The following FHIP1A variants were observed in gnomAD, a reference collection of about 807,000 sequenced individuals.
FHIP1A encodes the protein FHF complex subunit HOOK-interacting protein 1A.
In FHIP1A, 61 loss-of-function variants were observed where a neutral mutation model predicts 88.6. That is an observed-to-expected ratio of 0.69 (90% confidence interval 0.56 to 0.85). The LOEUF is 0.85. Among genes scored for constraint, FHIP1A ranks in the 40% least tolerant of loss-of-function variants. FHIP1A has a pLI of 0.00. For missense variants in FHIP1A, 1,154 were observed against 1,273.5 expected (o/e 0.91, Z 1.43); for synonymous variants, 478 against 496.0 (o/e 0.96, Z 0.48).
At chr4:151,412,064 G>A (rs1732670409) in intron 1 of FHIP1A, among the ~76,000 whole-genome samples, 1 of 152,206 alleles carries the variant, frequency 6.6e-6, no homozygotes, top group African/African-American at 2.4e-5. Flanking sequence ...ATGCCATTGT[G>A]TTTAGATTAC....
chr4:151,435,149 T>C (rs2093270832), intron 1 of FHIP1A, among the ~76,000 whole-genome samples: 1 of 138,400 alleles, frequency 7.2e-6, no homozygotes, highest in Admixed American at 7.2e-5. Flanking sequence ...TTTTGAACTA[T>C]ACAATACATT....
rs373341384 is a variant in FHIP1A at position 151,650,479 on chromosome 4, C to G, written c.2438C>G (p.Ser813Cys). 1.3e-6 allele frequency: 2 copies of G among 1,551,466 alleles called. No individual in the cohort carries two copies. Among genetic ancestry groups the G allele is most frequent in the African/African-American group, 1.4e-5 (1 of 73,042 alleles). Reference sequence around the variant, plus strand: ...GAAGATGAGGAGGATGACTTTGACTCTTTTATAGCGGAGATGCCTGCTGTA... The same window carrying G: ...GAAGATGAGGAGGATGACTTTGACTGTTTTATAGCGGAGATGCCTGCTGTA... ...ELEDEEDDFD[S>C]FIAEMPAVET... Residue 813 changes from serine to cysteine, a missense_variant, in exon 11 of 14, where the codon TCT becomes TGT. Ser to Cys is a moderately radical substitution (Grantham distance 112, BLOSUM62 -1). Coordinates refer to ENST00000435205, the MANE Select transcript of FHIP1A (RefSeq NM_001109977.3).
intron 11 of FHIP1A, among the ~76,000 whole-genome samples, chr4:151,655,514 A>G (rs953041863): frequency 2.6e-5 from 4 of 152,184 alleles, no homozygotes; most frequent in South Asian, 2.1e-4. Context: ...AATCTGTGAC[A>G]TGCCGAACTG....
chr4:151,606,319 A>C (rs756814460), intron 7 of FHIP1A, among the ~76,000 whole-genome samples: 16 of 152,174 alleles, frequency 1.1e-4, no homozygotes, highest in Admixed American at 5.2e-4. Flanking sequence ...TCCTGAGGAA[A>C]AACGTCTTGA....
chr4:151,652,168 A>G (rs1004952123), intron 11 of FHIP1A, among the ~76,000 whole-genome samples: 11 of 151,676 alleles, frequency 7.3e-5, no homozygotes, highest in African/African-American at 1.7e-4. Context: ...CAGGGCAAGG[A>G]AAAAAAAAGC....
chr4:151,668,412 C>G lies in FHIP1A; in HGVS notation c.*5658C>G, dbSNP rs1022489718. 6.6e-6 allele frequency among the ~76,000 whole-genome samples: 1 copy of G among 152,164 alleles called. No individual in the cohort carries two copies. The highest frequency in any genetic ancestry group is 1.5e-5 in the Non-Finnish European group (1 of 68,034). On this transcript the variant is annotated 3_prime_UTR_variant, in exon 14 of 14. Transcript: ENST00000435205. ...GGAGGGTGTGTACTTTCCGAAACTTCGAGGCCATCTTAGTAATTATTTTAG... is the reference window on the plus strand; with the variant it reads ...GGAGGGTGTGTACTTTCCGAAACTTGGAGGCCATCTTAGTAATTATTTTAG...
intron 1 of FHIP1A, among the ~76,000 whole-genome samples, chr4:151,436,756 A>G (rs1028725186): frequency 1.1e-4 from 16 of 152,208 alleles, no homozygotes; most frequent in African/African-American, 3.9e-4. Context: ...AATATCAAAT[A>G]AGATTTTTTT....
chr4:151,656,876 G>C lies in FHIP1A; in HGVS notation c.2847G>C (p.Met949Ile), dbSNP rs932892730. 2 of 1,551,576 alleles carry C rather than the reference G, an allele frequency of 1.3e-6. No individual in the cohort carries two copies. The highest frequency in any genetic ancestry group is 2.0e-5 in the Admixed American group (1 of 50,986). The stretch of plus-strand genomic sequence containing the variant: ...TCTTCCGTGTGGACATGTCTGATAT[G>C]ACCCCTGCAGCACTAACCAAAGGTA... ...YLLFRVDMSDMTPAALTKDPI... is the reference protein window; with the variant it reads ...YLLFRVDMSDITPAALTKDPI... The change falls in exon 13 of 14, where the codon ATG becomes ATC. Residue 949 changes from methionine to isoleucine, a missense_variant. Physicochemically the swap from Met to Ile is conservative, Grantham distance 10. Coordinates refer to ENST00000435205, the MANE Select transcript of FHIP1A (RefSeq NM_001109977.3). The surrounding 1 kb of genome is among the most constrained non-coding windows in gnomAD (Gnocchi z 4.2).
At chr4:151,539,088 A>G (rs1041269351) in intron 3 of FHIP1A, among the ~76,000 whole-genome samples, 10 of 152,232 alleles carry the variant, frequency 6.6e-5, no homozygotes, top group Non-Finnish European at 1.3e-4. Context: ...CTTAGGCTAT[A>G]TAGATAGCAG....
At chr4:151,601,992 C>G (rs1214491866) in intron 7 of FHIP1A, among the ~76,000 whole-genome samples, 1 of 151,968 alleles carries the variant, frequency 6.6e-6, no homozygotes, top group Non-Finnish European at 1.5e-5. Flanking sequence ...CAGGGAAACT[C>G]CTATTTATAA....
chr4:151,445,587 G>C (rs1214316453), intron 1 of FHIP1A, among the ~76,000 whole-genome samples: 1 of 151,738 alleles, frequency 6.6e-6, no homozygotes, highest in Non-Finnish European at 1.5e-5. Flanking sequence ...TGTTTGAAAA[G>C]GGCTTATTAT....
At chr4:151,414,165 C>G (rs1392779789) in intron 1 of FHIP1A, among the ~76,000 whole-genome samples, 1 of 152,100 alleles carries the variant, frequency 6.6e-6, no homozygotes, top group Non-Finnish European at 1.5e-5. Flanking sequence ...ATTCTCTTGC[C>G]TTAGCCTCCC....
intron 13 of FHIP1A, among the ~76,000 whole-genome samples, chr4:151,661,284 G>T (rs1737447014): frequency 6.6e-6 from 1 of 152,092 alleles, no homozygotes; most frequent in Non-Finnish European, 1.5e-5. Flanking sequence ...CTGTTGCCGG[G>T]ACATGAATTT....
rs1411969416 is a variant in FHIP1A at position 151,650,520 on chromosome 4, C to T, written c.2479C>T (p.Pro827Ser). ...EMPAVETVPS[P>S]FVGRDEAAFA... is the part of the protein sequence containing the mutation. ...GCCTGCTGTAGAGACTGTGCCTTCCCCATTTGTGGGGAGAGATGAGGCTGC... is the reference window on the plus strand; with the variant it reads ...GCCTGCTGTAGAGACTGTGCCTTCCTCATTTGTGGGGAGAGATGAGGCTGC... Residue 827 changes from proline to serine, a missense_variant, in exon 11 of 14, where the codon CCA (proline) becomes TCA (serine). Coordinates refer to ENST00000435205, the MANE Select transcript of FHIP1A (RefSeq NM_001109977.3). 4.5e-6 allele frequency: 7 copies of T among 1,551,388 alleles called. No individual in the cohort carries two copies. The highest frequency in any genetic ancestry group is 3.9e-5 in the Admixed American group (2 of 50,990).
rs531732537 is a variant in FHIP1A, at chr4:151,576,132, G to T, written c.106-1318G>T. 2.6e-5 allele frequency among the ~76,000 whole-genome samples: 4 copies of T among 152,294 alleles called. No individual in the cohort carries two copies. In the East Asian group the frequency reaches 7.7e-4, roughly 29 times the overall value. On this transcript the variant is annotated intron_variant, in intron 4 of 13. Transcript: ENST00000435205. ...GATAACAGATTGTTTTAGTTTCCAG[G>T]TCGCAAAGTGGAAGTAAGTATCTGT...
intron 3 of FHIP1A, chr4:151,533,169 T>A (rs1731941366): frequency 6.6e-6 from 1 of 151,958 alleles, no homozygotes; most frequent in African/African-American, 2.4e-5. Context: ...TTAAGGAGTG[T>A]TTTTGGTGGT....
At chr4:151,445,806 G>A (rs1245945181) in intron 1 of FHIP1A, among the ~76,000 whole-genome samples, 1 of 144,656 alleles carries the variant, frequency 6.9e-6, no homozygotes, top group Admixed American at 7.1e-5. Flanking sequence ...AGTGACCTAT[G>A]ATCACACCTC....
chr4:151,545,164 T>C (rs972628560), intron 3 of FHIP1A, among the ~76,000 whole-genome samples: 1 of 152,178 alleles, frequency 6.6e-6, no homozygotes, highest in African/African-American at 2.4e-5. Context: ...CTGGGTAGCA[T>C]GGATTAATAT....
At chr4:151,441,644 C>T (rs1387866299) in intron 1 of FHIP1A, among the ~76,000 whole-genome samples, 2 of 152,278 alleles carry the variant, frequency 1.3e-5, no homozygotes, top group East Asian at 3.9e-4. Context: ...CAGACATTGG[C>T]TTAAGATTCT....
Sources: allele counts gnomAD v4.1 joint callset (sites outside exome capture counted in the v4.1 genomes callset), GRCh38; gene constraint gnomAD v4.1.1; non-coding constraint Gnocchi (gnomAD v3.1); transcripts MANE v1.5; gene names NCBI Gene and HGNC (gene_info 2026-07-23, HGNC 2026-07-21).